The following DPH6 variants were observed in gnomAD, a reference collection of about 807,000 sequenced individuals.
DPH6 encodes the protein diphthine--ammonia ligase.
In DPH6, 33 loss-of-function variants were observed where a neutral mutation model predicts 38.2. That is an observed-to-expected ratio of 0.86 (90% CI 0.65 to 1.15). DPH6 has a LOEUF of 1.15. Among genes scored for constraint, DPH6 ranks in the 50% most tolerant of loss-of-function variants. The pLI is 0.00. For missense variants in DPH6, 325 were observed against 320.0 expected (o/e 1.02, Z -0.12); for synonymous variants, 108 against 103.0 (o/e 1.05, Z -0.30).
intron 6 of DPH6, among the ~76,000 whole-genome samples, chr15:35,382,846 A>T (rs900064317): frequency 6.6e-6 from 1 of 150,714 alleles, no homozygotes. Context: ...ACCTGAAATT[A>T]AAAAAAAGAA....
chr15:35,262,705 C>CAAA lies in DPH6; in HGVS notation n.201-42126_201-42124dup, dbSNP rs58580024. ...TGCGAAACAGAGCAAGACTCCGTCT[C>CAAA]AAAAAAAAAAAAAAAAAAAAAAAAA... On this transcript the variant is annotated intron_variant and non_coding_transcript_variant, in intron 3 of 3. Transcript: ENST00000560386. 4.5e-4 allele frequency among the ~76,000 whole-genome samples: 37 copies of CAAA among 82,618 alleles called. 3 individuals carry two copies. The highest frequency in any genetic ancestry group is 1.8e-3 in the African/African-American group (29 of 15,714). 54.2% of individuals were successfully genotyped at this position (82,618 alleles called of 152,430 possible).
downstream of DPH6, among the ~76,000 whole-genome samples, chr15:35,326,586 C>T (rs1052595071): frequency 2.0e-5 from 3 of 151,934 alleles, no homozygotes; most frequent in Non-Finnish European, 2.9e-5. Flanking sequence ...CATGCACCAC[C>T]GTGCCCAGCT....
the DPH6 span, among the ~76,000 whole-genome samples, chr15:35,168,130 T>C: frequency 6.6e-6 from 1 of 152,062 alleles, no homozygotes; most frequent in African/African-American, 2.4e-5. Context: ...CACTAGACAA[T>C]GTAAGGAACT....
chr15:35,151,037 G>A, the DPH6 span, among the ~76,000 whole-genome samples: 47,771 of 151,762 alleles, frequency 0.31, 7,551 homozygotes, highest in East Asian at 0.38. Flanking sequence ...GAAAACAAAA[G>A]ATAAATAAAA....
At chr15:35,403,440 T>C (rs1053933835) in intron 6 of DPH6, among the ~76,000 whole-genome samples, 5 of 152,208 alleles carry the variant, frequency 3.3e-5, no homozygotes, top group African/African-American at 1.2e-4. Flanking sequence ...TATTTAAAAA[T>C]GTAAAATTAA....
At chr15:35,296,107 T>C (rs1453970645) in intron 3 of DPH6, among the ~76,000 whole-genome samples, 1 of 151,846 alleles carries the variant, frequency 6.6e-6, no homozygotes, top group Non-Finnish European at 1.5e-5. Flanking sequence ...GTCCGGCTAA[T>C]TTTTTGTATT....
chr15:35,503,718 T>C (rs959626385), intron 3 of DPH6, among the ~76,000 whole-genome samples: 3 of 152,160 alleles, frequency 2.0e-5, no homozygotes, highest in African/African-American at 7.2e-5. Flanking sequence ...TAAATGTCTC[T>C]CATCTTGAAA....
At chr15:35,228,431 T>C (rs1391999528) in intron 3 of DPH6, among the ~76,000 whole-genome samples, 2 of 152,132 alleles carry the variant, frequency 1.3e-5, no homozygotes, top group African/African-American at 4.8e-5. Flanking sequence ...GAGGTGGTTT[T>C]TGTTTTGTTT....
chr15:35,297,677 G>A (rs934125798), intron 3 of DPH6, among the ~76,000 whole-genome samples: 5 of 151,696 alleles, frequency 3.3e-5, no homozygotes, highest in African/African-American at 1.2e-4. Flanking sequence ...TATATGCTGT[G>A]ATTTTTCCAT....
At chr15:35,213,669 C>A (rs1403875572), downstream of DPH6, among the ~76,000 whole-genome samples, 1 of 152,190 alleles carries the variant, frequency 6.6e-6, no homozygotes, top group Non-Finnish European at 1.5e-5. Context: ...CTTGGCCTTG[C>A]TTCCCCAAAG....
chr15:35,511,698 T>G (rs1034263206), intron 3 of DPH6, among the ~76,000 whole-genome samples: 1 of 151,800 alleles, frequency 6.6e-6, no homozygotes, highest in African/African-American at 2.4e-5. Context: ...ACCAAGAGAT[T>G]ATCATTTAAA....
chr15:35,468,193 T>G (rs986842759), intron 3 of DPH6, among the ~76,000 whole-genome samples: 1 of 152,248 alleles, frequency 6.6e-6, no homozygotes, highest in Non-Finnish European at 1.5e-5. Context: ...CTTTACTCTA[T>G]GCATTATCTC....
intron 3 of DPH6, among the ~76,000 whole-genome samples, chr15:35,491,547 G>GAACACACA (rs2141173197): frequency 1.1e-5 from 1 of 89,128 alleles, no homozygotes; most frequent in East Asian, 2.4e-4. Flanking sequence ...ACCAATAGGT[G>GAACACACA]TACACACACA....
intron 8 of DPH6, 79 bp from the exon 9 acceptor site, chr15:35,372,282 G>T: frequency 8.7e-7 from 1 of 1,147,544 alleles, no homozygotes; most frequent in Non-Finnish European, 1.2e-6. Flanking sequence ...CTTCAAAGAT[G>T]TAATACTGTT....
intron 5 of DPH6, among the ~76,000 whole-genome samples, chr15:35,437,509 G>T (rs951416928): frequency 5.3e-5 from 8 of 152,182 alleles, no homozygotes; most frequent in African/African-American, 1.9e-4. Flanking sequence ...TTTCTTACCA[G>T]TTGGGCTTTT....
chr15:35,387,468 C>A (rs1210347334), intron 6 of DPH6, among the ~76,000 whole-genome samples: 1 of 152,128 alleles, frequency 6.6e-6, no homozygotes, highest in Non-Finnish European at 1.5e-5. Flanking sequence ...TTCTTCCTAC[C>A]CAGGAGCATG....
chr15:35,225,329 T>C (rs1453875168), intron 3 of DPH6, among the ~76,000 whole-genome samples: 1 of 152,226 alleles, frequency 6.6e-6, no homozygotes, highest in African/African-American at 2.4e-5. Flanking sequence ...AAGGTGCTGT[T>C]TATCAGATTT....
At chr15:35,460,068 A>G (rs1231144832) in intron 3 of DPH6, among the ~76,000 whole-genome samples, 1 of 152,184 alleles carries the variant, frequency 6.6e-6, no homozygotes, top group Non-Finnish European at 1.5e-5. Flanking sequence ...ATAGTACCAT[A>G]TGCTATAGAA....
the DPH6 span, among the ~76,000 whole-genome samples, chr15:35,149,123 T>G: frequency 6.6e-6 from 1 of 152,170 alleles, no homozygotes; most frequent in Non-Finnish European, 1.5e-5. Context: ...TCCTTATATT[T>G]CTTCCAACTT....
Sources: gnomAD v4.1 joint callset for allele counts (sites outside exome capture counted in the v4.1 genomes callset) on GRCh38, gnomAD v4.1.1 for gene constraint, MANE v1.5 for transcripts, NCBI Gene and HGNC (gene_info 2026-07-23, HGNC 2026-07-21) for gene names.